The following NRG3 variants were observed in gnomAD, a reference collection of about 807,000 sequenced individuals.
The protein encoded by NRG3 is pro-neuregulin-3, membrane-bound isoform.
In NRG3, 31 loss-of-function variants were observed where a neutral mutation model predicts 66.9. The ratio of observed to expected loss-of-function variants is 0.46; its 90% CI spans 0.35 to 0.63. The LOEUF is 0.63. Ranked by LOEUF, NRG3 falls within the 20% of genes least tolerant of loss-of-function variation. The probability of loss-of-function intolerance (pLI) is 0.00; values close to 1 mark genes in which losing one functional copy is unlikely to be tolerated. For synonymous variants in NRG3, 393 were observed against 359.4 expected, an observed-to-expected ratio of 1.09 and a Z score of -1.06; for missense variants, 910 against 878.9, an observed-to-expected ratio of 1.04 and a Z score of -0.45.
At chr10:82,244,506 G>A (rs115741026) in intron 1 of NRG3, among the ~76,000 whole-genome samples, 119 of 152,204 alleles carry the variant, frequency 7.8e-4, no homozygotes, top group African/African-American at 2.8e-3. Context: ...CGATGGAATA[G>A]GTGGTCTTCT....
intron 1 of NRG3, among the ~76,000 whole-genome samples, chr10:82,025,192 TA>T (rs1293037401): frequency 2.0e-5 from 3 of 151,160 alleles, no homozygotes; most frequent in East Asian, 1.9e-4. Flanking sequence ...AATTCACAGG[TA>T]AAAAATGTGG....
intron 3 of NRG3, among the ~76,000 whole-genome samples, chr10:82,800,443 CA>C (rs2060988120): frequency 6.6e-6 from 1 of 151,934 alleles, no homozygotes; most frequent in African/African-American, 2.4e-5. Flanking sequence ...TATTTTTAAG[CA>C]TCCCAATCAT....
chr10:82,761,133 TATTTTATGATATATAGCAAAA>T (rs1353763853), intron 3 of NRG3, among the ~76,000 whole-genome samples: 1 of 151,920 alleles, frequency 6.6e-6, no homozygotes, highest in Non-Finnish European at 1.5e-5. Flanking sequence ...AAATATAGAA[TATTTTATGATATATAGCAAAA>T]ATGTAATATT....
chr10:82,462,317 G>A (rs1278067605), intron 2 of NRG3, among the ~76,000 whole-genome samples: 1 of 151,832 alleles, frequency 6.6e-6, no homozygotes, highest in Non-Finnish European at 1.5e-5. Flanking sequence ...TGAGTAGGTA[G>A]GGTCCCATTT....
intron 1 of NRG3, among the ~76,000 whole-genome samples, chr10:82,208,704 A>G (rs1316784790): frequency 2.0e-5 from 3 of 152,182 alleles, no homozygotes; most frequent in African/African-American, 4.8e-5. Flanking sequence ...TTTCAAAAAT[A>G]AAACCTTCTA....
chr10:82,481,288 C>G (rs1842245637), intron 2 of NRG3, among the ~76,000 whole-genome samples: 1 of 152,202 alleles, frequency 6.6e-6, no homozygotes, highest in African/African-American at 2.4e-5. Context: ...GTTGCCAAAT[C>G]CATGACATTT....
intron 1 of NRG3, among the ~76,000 whole-genome samples, chr10:82,204,951 A>G (rs1263463182): frequency 6.6e-6 from 1 of 152,230 alleles, no homozygotes; most frequent in African/African-American, 2.4e-5. Context: ...TGCTGCCTAT[A>G]TGTCACATGG....
intron 1 of NRG3, among the ~76,000 whole-genome samples, chr10:81,912,652 G>T (rs750956710): frequency 5.3e-5 from 8 of 152,144 alleles, no homozygotes; most frequent in Non-Finnish European, 1.0e-4. Flanking sequence ...ATCCTTTTTG[G>T]TGAATGACAT....
At chr10:82,765,531 T>C (rs1169690959) in intron 3 of NRG3, among the ~76,000 whole-genome samples, 2 of 152,136 alleles carry the variant, frequency 1.3e-5, no homozygotes, top group African/African-American at 4.8e-5. Context: ...TTGAAATTTA[T>C]CACCATTCAT....
chr10:82,582,164 T>C (rs1402760940), intron 2 of NRG3, among the ~76,000 whole-genome samples: 1 of 152,120 alleles, frequency 6.6e-6, no homozygotes, highest in East Asian at 1.9e-4. Context: ...CTTTTCAGTC[T>C]TAGTTGCTTT....
At chr10:82,603,313 T>G (rs1590839147) in intron 2 of NRG3, among the ~76,000 whole-genome samples, 1 of 152,276 alleles carries the variant, frequency 6.6e-6, no homozygotes, top group East Asian at 1.9e-4. Flanking sequence ...TCAAAAACAG[T>G]TACTCCCTCT....
intron 2 of NRG3, among the ~76,000 whole-genome samples, chr10:82,410,959 A>G (rs972980043): frequency 6.6e-6 from 1 of 152,182 alleles, no homozygotes; most frequent in Non-Finnish European, 1.5e-5. Context: ...ACTTATCACC[A>G]GATACAAAGG....
Position 82,358,743 on chromosome 10 carries a change from G to T in NRG3, c.828G>T (p.Thr276=). The change falls in exon 2 of 9, where the codon ACG becomes ACT. Residue 276 remains threonine (T), a synonymous_variant. Coordinates refer to ENST00000372141, the MANE Select transcript of NRG3 (RefSeq NM_001010848.4). The stretch of plus-strand genomic sequence containing the variant: ...CCCCTGTGCTTTCCCTGACAGATAC[G>T]ACGACATATTCCACAGAGCGATCCG... ...PETSTSPKFH[T]TTYSTERSEH... 6.2e-7 allele frequency: 1 copy of T among 1,614,026 alleles called. No homozygotes were observed. Among genetic ancestry groups the T allele is most frequent in the South Asian group, 1.1e-5 (1 of 91,066 alleles).
intron 3 of NRG3, among the ~76,000 whole-genome samples, chr10:82,744,109 C>T (rs2058544297): frequency 6.6e-6 from 1 of 152,158 alleles, no homozygotes. Context: ...GGCTGTCTTG[C>T]AAGCCATTCA....
At chr10:82,061,664 C>T (rs751292267) in intron 1 of NRG3, among the ~76,000 whole-genome samples, 3 of 152,126 alleles carry the variant, frequency 2.0e-5, no homozygotes, top group Non-Finnish European at 2.9e-5. Flanking sequence ...TCAGTGAATG[C>T]TGGGGTATCA....
At chr10:82,280,975 A>G (rs967875491) in intron 1 of NRG3, among the ~76,000 whole-genome samples, 2 of 152,134 alleles carry the variant, frequency 1.3e-5, no homozygotes, top group Non-Finnish European at 2.9e-5. Flanking sequence ...TACTGGTGTT[A>G]TCTCATAATT....
intron 2 of NRG3, among the ~76,000 whole-genome samples, chr10:82,451,593 T>G (rs2091020595): frequency 6.6e-6 from 1 of 152,174 alleles, no homozygotes; most frequent in South Asian, 2.1e-4. Context: ...ACAAGTAGTT[T>G]ATTTAACTTC....
At chr10:82,158,172 T>C (rs1408450820) in intron 1 of NRG3, among the ~76,000 whole-genome samples, 1 of 151,714 alleles carries the variant, frequency 6.6e-6, no homozygotes, top group African/African-American at 2.4e-5. Context: ...GAGTGAAAAA[T>C]GGGGCCAAGT....
At chr10:82,134,681 G>A (rs916163592) in intron 1 of NRG3, among the ~76,000 whole-genome samples, 2 of 152,036 alleles carry the variant, frequency 1.3e-5, no homozygotes. Context: ...ATAGTTTGAA[G>A]GTGGGCAACA....
Sources: gnomAD v4.1 joint callset for allele counts (sites outside exome capture counted in the v4.1 genomes callset) on GRCh38, gnomAD v4.1.1 for gene constraint, MANE v1.5 for transcripts, NCBI Gene and HGNC (gene_info 2026-07-23, HGNC 2026-07-21) for gene names.